IPMK: variants seen among roughly 807,000 people sequenced by gnomAD.
IPMK encodes the protein inositol 1,3,4,6-tetrakisphosphate 5-kinase.
Under a neutral mutation model 45.8 loss-of-function variants are expected in IPMK, and 17 were observed. The ratio of observed to expected loss-of-function variants is 0.37; its 90% confidence interval spans 0.25 to 0.56. The LOEUF (loss-of-function observed/expected upper bound fraction) is 0.56. Among genes scored for constraint, IPMK ranks in the 20% least tolerant of loss-of-function variants. IPMK has a pLI of 0.79. For missense variants in IPMK, 399 were observed against 498.0 expected, an observed-to-expected ratio of 0.80 and a Z score of 1.89; for synonymous variants, 180 against 184.3, an observed-to-expected ratio of 0.98 and a Z score of 0.19.
rs1159689421 is a variant in IPMK, at chr10:58,194,376, C to G, written c.*1700G>C. 1 of 151,704 alleles carries G rather than the reference C, an allele frequency of 6.6e-6. No individual in the cohort carries two copies. Among genetic ancestry groups the G allele is most frequent in the Non-Finnish European group, 1.5e-5 (1 of 67,744 alleles). 9.4% of individuals were successfully genotyped at this position (151,704 alleles called of 1,614,324 possible). A position where few individuals can be genotyped will look rare whatever the true frequency, so the allele number is the denominator to read the frequency against. ...TAAAACATAAAACTATAGCCAATAT[C>G]CATTCAAAAAGTGAAGAAAAATTGG... On this transcript the variant is annotated 3_prime_UTR_variant, in exon 6 of 6. Transcript: ENST00000373935.
At chr10:58,205,397 T>C (rs1248158759) in intron 4 of IPMK, among the ~76,000 whole-genome samples, 1 of 152,082 alleles carries the variant, frequency 6.6e-6, no homozygotes, top group Non-Finnish European at 1.5e-5. Flanking sequence ...TCAAAAACAT[T>C]GCACATGAAA....
At chr10:58,201,289 T>C (rs1259067999) in intron 4 of IPMK, among the ~76,000 whole-genome samples, 1 of 152,244 alleles carries the variant, frequency 6.6e-6, no homozygotes, top group Non-Finnish European at 1.5e-5. Context: ...TGAAGGTCTG[T>C]GGCAGCTTGA....
At chr10:58,259,673 A>AAAAAAAAAAAAAC in intron 1 of IPMK, among the ~76,000 whole-genome samples, 1 of 144,074 alleles carries the variant, frequency 6.9e-6, no homozygotes, top group Admixed American at 6.9e-5. Flanking sequence ...TCTCTACATA[A>AAAAAAAAAAAAAC]AAAAAAAAAA....
rs1837894691 is a variant in IPMK at position 58,196,416 on chromosome 10, C to T, written c.911G>A (p.Gly304Glu). ...TTTGCCCACTGAAGACTCTATTTTT[C>T]CATTAGCTGTGGAACTTAACACATG... Reference protein sequence around the residue: ...NFHVLSSTANGKIESSVGKSL... With the variant: ...NFHVLSSTANEKIESSVGKSL... Residue 304 changes from glycine to glutamate, a missense_variant, in exon 6 of 6, where the codon GGA (glycine) becomes GAA (glutamate). By Grantham distance (98) the Gly-to-Glu change is moderately conservative (BLOSUM62 -2). Coordinates refer to ENST00000373935, the MANE Select transcript of IPMK (RefSeq NM_152230.5). 5 of 1,614,076 alleles carry T rather than the reference C, an allele frequency of 3.1e-6. No homozygotes were observed. The East Asian group carries it at 6.7e-5, about 22-fold the overall frequency.
chr10:58,232,894 G>GA (rs1241329712), intron 2 of IPMK, among the ~76,000 whole-genome samples: 1 of 152,108 alleles, frequency 6.6e-6, no homozygotes, highest in Non-Finnish European at 1.5e-5. Flanking sequence ...CCAGGAGCTG[G>GA]TTTTTTGAAA....
intron 5 of IPMK, 64 bp from the exon 6 acceptor site, chr10:58,196,762 A>T: frequency 2.7e-6 from 3 of 1,117,656 alleles, no homozygotes; most frequent in Non-Finnish European, 3.8e-6. Flanking sequence ...TGGGAAGTAA[A>T]CTCATCACAG....
chr10:58,196,815 A>T, intron 5 of IPMK, 117 bp from the exon 6 acceptor site: 1 of 717,944 alleles, frequency 1.4e-6, no homozygotes, highest in Non-Finnish European at 2.3e-6. Context: ...AATTAAGTGA[A>T]CAGTTAATCC....
intron 1 of IPMK, among the ~76,000 whole-genome samples, chr10:58,255,110 C>T (rs1277640847): frequency 2.0e-5 from 3 of 152,240 alleles, no homozygotes; most frequent in Non-Finnish European, 4.4e-5. Context: ...ATCCCACAGA[C>T]TGTCCCCCTA....
At chr10:58,237,857 G>A (rs761641338) in intron 1 of IPMK, 43 bp from the exon 2 acceptor site, 4 of 1,385,088 alleles carry the variant, frequency 2.9e-6, no homozygotes, top group Non-Finnish European at 4.1e-6. Flanking sequence ...TTTAATAATA[G>A]TAAACCTTGC....
chr10:58,264,221 G>A (rs1173724085), intron 1 of IPMK, among the ~76,000 whole-genome samples: 1 of 152,184 alleles, frequency 6.6e-6, no homozygotes, highest in Non-Finnish European at 1.5e-5. Context: ...CTTGCAAATA[G>A]TTAAGAAAAA....
chr10:58,235,041 A>T (rs974914710), intron 2 of IPMK, among the ~76,000 whole-genome samples: 1 of 152,252 alleles, frequency 6.6e-6, no homozygotes, highest in African/African-American at 2.4e-5. Context: ...GAAGACATCT[A>T]GGCAGTCAAC....
At chr10:58,198,596 T>C (rs908563599) in intron 5 of IPMK, among the ~76,000 whole-genome samples, 6 of 152,164 alleles carry the variant, frequency 3.9e-5, no homozygotes, top group African/African-American at 1.4e-4. Flanking sequence ...TTCTACAAAC[T>C]TTTTACACTA....
At position 58,246,501 on chromosome 10, in the gene IPMK, A is replaced by G. The variant is rs571101342; in HGVS notation, c.191-8687T>C. On this transcript the variant is annotated intron_variant, in intron 1 of 5. Coordinates refer to ENST00000373935, the MANE Select transcript of IPMK (RefSeq NM_152230.5). ...AAAGAGCCCTCAGAAATAACGCCGC[A>G]TATCTACAACTATCCGATCTTTGAC... Among the ~76,000 whole-genome samples the G allele has an allele frequency of 6.3e-5, 9 of 143,102 alleles. No homozygotes were observed. In the South Asian group the frequency reaches 1.8e-3, roughly 28 times the overall value. The allele number at this position is 143,102 out of a possible 152,430, so 93.9% of individuals were successfully genotyped here.
At chr10:58,221,231 C>T (rs1838327941) in intron 3 of IPMK, among the ~76,000 whole-genome samples, 1 of 152,182 alleles carries the variant, frequency 6.6e-6, no homozygotes, top group South Asian at 2.1e-4. Context: ...CTCAATCTGA[C>T]CACTAACCTC....
At position 58,267,437 on chromosome 10, in the gene IPMK, C is replaced by G. The variant is rs780358038; in HGVS notation, c.175G>C (p.Gly59Arg). The G allele has an allele frequency of 1.2e-6, 2 of 1,613,780 alleles. No individual in the cohort carries two copies. ...LSHQVAGHMY[G>R]KDKVGILQHP... ...CCCCACTTACCCACTTTGTCCTTCCCGTACATGTGCCCGGCCACCTGATGC... is the reference window on the plus strand; with the variant it reads ...CCCCACTTACCCACTTTGTCCTTCCGGTACATGTGCCCGGCCACCTGATGC... The change falls in exon 1 of 6, where the codon GGG (glycine) becomes CGG (arginine). Residue 59 changes from glycine (G) to arginine (R), a missense_variant. By Grantham distance (125) the Gly-to-Arg change is moderately radical. This residue lies in a region of IPMK where 111 missense variants were observed against 99.9 expected (regional missense o/e 1.11). Coordinates refer to ENST00000373935, the MANE Select transcript of IPMK (RefSeq NM_152230.5).
At chr10:58,258,354 CTTGAACAGCAACAAACAAG>C (rs1839005694) in intron 1 of IPMK, among the ~76,000 whole-genome samples, 1 of 152,040 alleles carries the variant, frequency 6.6e-6, no homozygotes, top group African/African-American at 2.4e-5. Context: ...ATATATAAAA[CTTGAACAGCAACAAACAAG>C]TTGACCAAAT....
intron 1 of IPMK, among the ~76,000 whole-genome samples, chr10:58,245,598 G>A (rs1838786882): frequency 1.5e-5 from 2 of 134,522 alleles, no homozygotes; most frequent in Non-Finnish European, 1.5e-5. Context: ...GGTGACAGAG[G>A]AAGACTCTGT....
rs1838262670 is a variant in IPMK, at chr10:58,217,527, A to G, written c.374-1210T>C. On this transcript the variant is annotated intron_variant, in intron 3 of 5. Transcript: ENST00000373935. ...AACATGGAGAAACCCCGTCTCTACT[A>G]ATAATACAAAATTAGCCAGGCATGG... 1.3e-5 allele frequency among the ~76,000 whole-genome samples: 2 copies of G among 151,620 alleles called. 1 individual carries two copies. Among genetic ancestry groups the G allele is most frequent in the South Asian group, 4.2e-4 (2 of 4,798 alleles).
At chr10:58,210,411 T>C (rs1838140614) in intron 4 of IPMK, among the ~76,000 whole-genome samples, 1 of 152,080 alleles carries the variant, frequency 6.6e-6, no homozygotes, top group African/African-American at 2.4e-5. Flanking sequence ...CCAACAATGG[T>C]GATGGCTCCT....
Sources: gnomAD v4.1 joint callset for allele counts (sites outside exome capture counted in the v4.1 genomes callset) on GRCh38, gnomAD v4.1.1 for gene constraint, gnomAD v4.1.1 regional missense constraint, MANE v1.5 for transcripts, NCBI Gene and HGNC (gene_info 2026-07-23, HGNC 2026-07-21) for gene names.